CSMD1: variants seen among roughly 807,000 people sequenced by gnomAD.
CSMD1 encodes CUB and Sushi multiple domains 1, also known as CUB and sushi domain-containing protein 1.
A neutral mutation model predicts 417.5 loss-of-function variants in CSMD1; 213 were observed. The ratio of observed to expected loss-of-function variants is 0.51; its 90% CI spans 0.46 to 0.57. CSMD1 has a LOEUF of 0.57. Among genes scored for constraint, CSMD1 ranks in the 20% least tolerant of loss-of-function variants. The pLI is 0.00. For missense variants in CSMD1, 6,923 were observed against 4,529.7 expected, an observed-to-expected ratio of 1.53 and a Z score of -15.17; for synonymous variants, 2,862 against 1,736.8, an observed-to-expected ratio of 1.65 and a Z score of -16.11.
At chr8:4,526,897 A>T (rs920765784) in intron 2 of CSMD1, among the ~76,000 whole-genome samples, 1 of 152,158 alleles carries the variant, frequency 6.6e-6, no homozygotes, top group Non-Finnish European at 1.5e-5. Flanking sequence ...GACTATTGTG[A>T]ATGATCAAAC....
chr8:3,037,768 A>G (rs752278119), intron 50 of CSMD1, among the ~76,000 whole-genome samples: 19 of 152,228 alleles, frequency 1.2e-4, no homozygotes, highest in Non-Finnish European at 2.1e-4. Context: ...AGAGTTTTAA[A>G]GTTAACTTCT....
At chr8:4,247,947 ATTT>A (rs1802813467) in intron 3 of CSMD1, among the ~76,000 whole-genome samples, 1 of 152,084 alleles carries the variant, frequency 6.6e-6, no homozygotes, top group Non-Finnish European at 1.5e-5. Flanking sequence ...AATATTCATA[ATTT>A]TTTGTCTTCT....
chr8:4,450,966 C>T (rs777645452), intron 2 of CSMD1, among the ~76,000 whole-genome samples: 4 of 151,840 alleles, frequency 2.6e-5, no homozygotes, highest in Non-Finnish European at 5.9e-5. Context: ...TCTACAGTAA[C>T]GTATTATATT....
At chr8:3,637,212 C>G (rs189839959) in intron 7 of CSMD1, among the ~76,000 whole-genome samples, 1 of 152,172 alleles carries the variant, frequency 6.6e-6, no homozygotes, top group Non-Finnish European at 1.5e-5. Flanking sequence ...GTGACATATT[C>G]TAACTTTTAC....
chr8:3,429,528 G>C (rs897619762), intron 12 of CSMD1, among the ~76,000 whole-genome samples: 1 of 152,112 alleles, frequency 6.6e-6, no homozygotes, highest in Non-Finnish European at 1.5e-5. Flanking sequence ...AGACACTTTG[G>C]GGGCTGTCAG....
chr8:4,860,570 T>A (rs1328816236), intron 1 of CSMD1, among the ~76,000 whole-genome samples: 3 of 152,122 alleles, frequency 2.0e-5, no homozygotes, highest in African/African-American at 7.3e-5. Flanking sequence ...CTGTACAGCC[T>A]GCAGAATCAT....
intron 3 of CSMD1, among the ~76,000 whole-genome samples, chr8:4,287,071 G>A (rs1427457492): frequency 6.6e-6 from 1 of 152,134 alleles, no homozygotes. Context: ...AGTAACTTGA[G>A]AGAACAAAAA....
chr8:4,529,033 G>A (rs187884457), intron 2 of CSMD1, among the ~76,000 whole-genome samples: 24 of 152,226 alleles, frequency 1.6e-4, no homozygotes, highest in African/African-American at 5.5e-4. Context: ...TGATATATGT[G>A]AGACGGTGTT....
chr8:4,176,709 G>A (rs1481401422), intron 3 of CSMD1, among the ~76,000 whole-genome samples: 1 of 150,604 alleles, frequency 6.6e-6, no homozygotes, highest in African/African-American at 2.5e-5. Context: ...GACACACATA[G>A]GCTCAAAATA....
At chr8:4,935,325 G>C (rs1209597030) in intron 1 of CSMD1, among the ~76,000 whole-genome samples, 1 of 152,168 alleles carries the variant, frequency 6.6e-6, no homozygotes, top group South Asian at 2.1e-4. Context: ...ATTAGGAAAT[G>C]CCCCTGCGCC....
chr8:4,146,479 G>T (rs529383224), intron 3 of CSMD1, among the ~76,000 whole-genome samples: 1 of 149,124 alleles, frequency 6.7e-6, no homozygotes, highest in East Asian at 2.0e-4. Flanking sequence ...TGAAAAGGCT[G>T]TTTACCCAGT....
chr8:4,620,564 T>G (rs1801718879), intron 2 of CSMD1, among the ~76,000 whole-genome samples: 1 of 151,808 alleles, frequency 6.6e-6, no homozygotes, highest in Non-Finnish European at 1.5e-5. Flanking sequence ...CAGAGTATAT[T>G]TTTTAACTGC....
intron 57 of CSMD1, among the ~76,000 whole-genome samples, chr8:2,970,463 T>C (rs1489987700): frequency 2.0e-5 from 3 of 152,184 alleles, no homozygotes; most frequent in Non-Finnish European, 2.9e-5. Context: ...ATTATTGCAT[T>C]TAATATTCTT....
intron 6 of CSMD1, among the ~76,000 whole-genome samples, chr8:3,748,079 G>A (rs967472826): frequency 6.6e-6 from 1 of 152,138 alleles, no homozygotes; most frequent in Admixed American, 6.5e-5. Context: ...AATGAAAAGT[G>A]CAGAGTAAGA....
At chr8:4,168,416 C>T (rs1420678943) in intron 3 of CSMD1, among the ~76,000 whole-genome samples, 2 of 151,728 alleles carry the variant, frequency 1.3e-5, no homozygotes, top group Non-Finnish European at 2.9e-5. Flanking sequence ...ATATATTTTA[C>T]ATTTATTTTT....
intron 1 of CSMD1, among the ~76,000 whole-genome samples, chr8:4,637,810 A>G (rs1269404693): frequency 6.6e-6 from 1 of 151,704 alleles, no homozygotes. Context: ...AGGTGGGACT[A>G]CAGGCGCCCG....
At chr8:3,284,890 A>G (rs527315375) in intron 25 of CSMD1, among the ~76,000 whole-genome samples, 1 of 152,338 alleles carries the variant, frequency 6.6e-6, no homozygotes, top group South Asian at 2.1e-4. Context: ...TTCATCATTT[A>G]AAATACCAAC....
At chr8:3,946,821 T>C (rs1025684407) in intron 5 of CSMD1, among the ~76,000 whole-genome samples, 2 of 152,190 alleles carry the variant, frequency 1.3e-5, no homozygotes, top group South Asian at 2.1e-4. Context: ...CATATTTTAA[T>C]TCTGTAAATG....
intron 3 of CSMD1, among the ~76,000 whole-genome samples, chr8:4,385,821 T>A (rs1025569271): frequency 1.3e-5 from 2 of 152,156 alleles, no homozygotes; most frequent in Non-Finnish European, 2.9e-5. Flanking sequence ...TTAAAAATTA[T>A]TTTGTGTTTC....
Sources: allele counts gnomAD v4.1 joint callset (sites outside exome capture counted in the v4.1 genomes callset), GRCh38; gene constraint gnomAD v4.1.1; transcripts MANE v1.5; gene names NCBI Gene and HGNC (gene_info 2026-07-23, HGNC 2026-07-21).